EPHA5: variants seen among roughly 807,000 people sequenced by gnomAD.
The protein encoded by EPHA5 is ephrin type-A receptor 5.
Under a neutral mutation model 105.0 loss-of-function variants are expected in EPHA5, and 60 were observed. That is an observed-to-expected ratio of 0.57 (90% CI 0.46 to 0.71). EPHA5 has a LOEUF of 0.71. EPHA5 is among the 30% of genes least tolerant of loss of function. EPHA5 has a pLI of 0.00. For missense variants in EPHA5, 1,218 were observed against 1,274.7 expected, an observed-to-expected ratio of 0.96 and a Z score of 0.68; for synonymous variants, 513 against 449.1, an observed-to-expected ratio of 1.14 and a Z score of -1.80.
chr4:65,395,566 G>GTT (rs1189415114), intron 8 of EPHA5, among the ~76,000 whole-genome samples: 1 of 152,106 alleles, frequency 6.6e-6, no homozygotes, highest in East Asian at 1.9e-4. Context: ...TCATAATTAT[G>GTT]ATAGCCTCTG....
At chr4:65,452,397 AT>A (rs1727151677) in intron 5 of EPHA5, among the ~76,000 whole-genome samples, 1 of 152,180 alleles carries the variant, frequency 6.6e-6, no homozygotes, top group South Asian at 2.1e-4. Context: ...GGTAATTCAT[AT>A]ACAAATGTTA....
intron 5 of EPHA5, among the ~76,000 whole-genome samples, chr4:65,432,574 T>G (rs1359188827): frequency 6.8e-6 from 1 of 147,492 alleles, no homozygotes; most frequent in East Asian, 1.9e-4. Context: ...TTTGGTTTTG[T>G]TTTTCTTTTT....
At chr4:65,508,185 T>C (rs564064229) in intron 3 of EPHA5, among the ~76,000 whole-genome samples, 2 of 152,250 alleles carry the variant, frequency 1.3e-5, no homozygotes, top group East Asian at 3.9e-4. Flanking sequence ...CTGGATGATT[T>C]ATTCTGTAAT....
chr4:65,497,270 C>A (rs567927470), intron 3 of EPHA5, among the ~76,000 whole-genome samples: 1 of 152,172 alleles, frequency 6.6e-6, no homozygotes, highest in South Asian at 2.1e-4. Context: ...TAAATGATTT[C>A]ATGTTTTAGT....
intron 3 of EPHA5, among the ~76,000 whole-genome samples, chr4:65,568,131 T>C (rs1739750070): frequency 1.3e-5 from 2 of 151,534 alleles, no homozygotes; most frequent in African/African-American, 2.4e-5. Context: ...TTTTATCTGC[T>C]CTAGAGAAAA....
intron 2 of EPHA5, among the ~76,000 whole-genome samples, chr4:65,609,568 G>C (rs371511658): frequency 4.0e-5 from 6 of 150,734 alleles, no homozygotes; most frequent in Non-Finnish European, 7.4e-5. Flanking sequence ...ACAGACAATT[G>C]AGCATCTATT....
At chr4:65,335,791 C>A in intron 15 of EPHA5, 141 bp downstream of exon 15, 2 of 789,498 alleles carry the variant, frequency 2.5e-6, no homozygotes, top group East Asian at 3.0e-5. Context: ...GAGTAGCATG[C>A]AAAAACTATA....
At chr4:65,465,523 G>GAAAGAAAGAAAGA (rs1560567305) in intron 5 of EPHA5, among the ~76,000 whole-genome samples, 3 of 86,594 alleles carry the variant, frequency 3.5e-5, no homozygotes, top group East Asian at 2.9e-4. Flanking sequence ...AAGAAAGAAA[G>GAAAGAAAGAAAGA]AAAGAAAAGA....
chr4:65,467,687 C>T (rs747821032), intron 5 of EPHA5, among the ~76,000 whole-genome samples: 6 of 152,154 alleles, frequency 3.9e-5, no homozygotes, highest in Non-Finnish European at 8.8e-5. Context: ...CCTCCAAAGA[C>T]GTCTGTTTAC....
intron 8 of EPHA5, among the ~76,000 whole-genome samples, chr4:65,385,299 T>G (rs934067459): frequency 3.3e-5 from 5 of 151,892 alleles, no homozygotes; most frequent in Non-Finnish European, 5.9e-5. Context: ...TCTAGTATTT[T>G]TCTAAAATTG....
chr4:65,585,509 C>T (rs925012182), intron 3 of EPHA5, among the ~76,000 whole-genome samples: 1 of 151,620 alleles, frequency 6.6e-6, no homozygotes, highest in African/African-American at 2.4e-5. Context: ...GTAGTTAGTG[C>T]TTTTGTGAGT....
chr4:65,363,685 T>C (rs952175491), intron 11 of EPHA5, among the ~76,000 whole-genome samples: 1 of 151,606 alleles, frequency 6.6e-6, no homozygotes, highest in African/African-American at 2.4e-5. Context: ...TTAAGAACTA[T>C]GTTTTATATT....
intron 2 of EPHA5, among the ~76,000 whole-genome samples, chr4:65,642,553 T>C (rs1029390761): frequency 6.6e-6 from 1 of 151,958 alleles, no homozygotes; most frequent in Non-Finnish European, 1.5e-5. Context: ...AAATACCAAA[T>C]TGATGAAAAA....
rs138835322 is a variant in EPHA5 at position 65,362,858 on chromosome 4, T to C, written c.2173+2159A>G. Among the ~76,000 whole-genome samples, 1,219 of 151,818 alleles carry C rather than the reference T, an allele frequency of 8.0e-3. 12 individuals carry two copies. The highest frequency in any genetic ancestry group is 0.028 in the African/African-American group (1,143 of 41,510). On this transcript the variant is annotated intron_variant, in intron 11 of 16. Coordinates refer to ENST00000613740, the MANE Select transcript of EPHA5 (RefSeq NM_001281766.3). ...ATACGATCTTTGTCTTCAAGGAACA[T>C]ACATTTTTTAGCTAGAGAGCTGAAA...
intron 2 of EPHA5, among the ~76,000 whole-genome samples, chr4:65,610,103 C>T (rs187953599): frequency 1.2e-4 from 18 of 151,678 alleles, no homozygotes; most frequent in East Asian, 5.8e-4. Context: ...CCATCAACAG[C>T]GAACAGGATA....
chr4:65,335,486 G>A (rs115518015), intron 15 of EPHA5, among the ~76,000 whole-genome samples: 4,773 of 152,052 alleles, frequency 0.031, 99 homozygotes, highest in Middle Eastern at 0.051. Context: ...AATTGTCAAT[G>A]TTTCTAAAAT....
At chr4:65,641,938 A>T (rs1432259846) in intron 2 of EPHA5, among the ~76,000 whole-genome samples, 1 of 152,134 alleles carries the variant, frequency 6.6e-6, no homozygotes, top group African/African-American at 2.4e-5. Context: ...TAATTGTTTC[A>T]TATAGAAATC....
At chr4:65,632,335 ACAT>A (rs755497365) in intron 2 of EPHA5, among the ~76,000 whole-genome samples, 21 of 152,014 alleles carry the variant, frequency 1.4e-4, no homozygotes, top group Non-Finnish European at 2.8e-4. Context: ...ACTCTAGGAG[ACAT>A]CATTCAAACC....
intron 6 of EPHA5, among the ~76,000 whole-genome samples, chr4:65,416,991 C>A (rs995266130): frequency 6.6e-6 from 1 of 152,210 alleles, no homozygotes; most frequent in African/African-American, 2.4e-5. Flanking sequence ...ACTTTTCCTG[C>A]CTTCGTGCCC....
Sources: gnomAD v4.1 joint callset for allele counts (sites outside exome capture counted in the v4.1 genomes callset) on GRCh38, gnomAD v4.1.1 for gene constraint, MANE v1.5 for transcripts, NCBI Gene and HGNC (gene_info 2026-07-23, HGNC 2026-07-21) for gene names.